The following DPH6 variants were observed in gnomAD, a reference collection of about 807,000 sequenced individuals.
The protein encoded by DPH6 is diphthamine biosynthesis 6.
DPH6 carries 33 observed loss-of-function variants against 38.2 expected under a neutral mutation model. The observed-to-expected ratio is 0.86, with a 90% CI of 0.65 to 1.15. The LOEUF (loss-of-function observed/expected upper bound fraction) is 1.15, where lower values mean the gene tolerates loss of function less well. Among genes scored for constraint, DPH6 ranks in the 50% most tolerant of loss-of-function variants. The pLI is 0.00. For missense variants in DPH6, 325 were observed against 320.0 expected, an observed-to-expected ratio of 1.02 and a Z score of -0.12; for synonymous variants, 108 against 103.0, an observed-to-expected ratio of 1.05 and a Z score of -0.30.
intron 3 of DPH6, among the ~76,000 whole-genome samples, chr15:35,245,909 C>G (rs1185756353): frequency 6.6e-6 from 1 of 152,070 alleles, no homozygotes; most frequent in Non-Finnish European, 1.5e-5. Flanking sequence ...GCCTCTGGGC[C>G]CAAGCCTGCA....
chr15:35,192,228 C>T, the DPH6 span, among the ~76,000 whole-genome samples: 1 of 152,144 alleles, frequency 6.6e-6, no homozygotes, highest in Non-Finnish European at 1.5e-5. Context: ...AATCCTAGGA[C>T]TCCTACTTGA....
At chr15:35,230,469 G>A (rs772612934) in intron 3 of DPH6, among the ~76,000 whole-genome samples, 2 of 152,152 alleles carry the variant, frequency 1.3e-5, no homozygotes, top group South Asian at 2.1e-4. Flanking sequence ...ATCCAAAAGC[G>A]AAGTCCTGGA....
intron 3 of DPH6, among the ~76,000 whole-genome samples, chr15:35,529,902 T>C (rs1462548120): frequency 6.7e-6 from 1 of 150,156 alleles, no homozygotes; most frequent in Non-Finnish European, 1.5e-5. Context: ...TAACCAAAAA[T>C]AAAAAATAAA....
At chr15:35,291,076 C>T (rs918708658) in intron 3 of DPH6, among the ~76,000 whole-genome samples, 1 of 151,996 alleles carries the variant, frequency 6.6e-6, no homozygotes, top group African/African-American at 2.4e-5. Context: ...TCACCCACTG[C>T]CATTTTTTGT....
At chr15:35,214,665 C>A (rs140329047), downstream of DPH6, among the ~76,000 whole-genome samples, 4 of 152,048 alleles carry the variant, frequency 2.6e-5, no homozygotes, top group Non-Finnish European at 4.4e-5. Flanking sequence ...TGGAGTGCAG[C>A]GGCACGATCT....
the DPH6 span, among the ~76,000 whole-genome samples, chr15:35,202,170 C>T: frequency 1.3e-5 from 2 of 151,862 alleles, no homozygotes; most frequent in Admixed American, 6.6e-5. Flanking sequence ...ATTCTTGCCT[C>T]ATTCCAGATA....
chr15:35,496,424 G>T (rs1011007913), intron 3 of DPH6, among the ~76,000 whole-genome samples: 1 of 150,372 alleles, frequency 6.7e-6, no homozygotes, highest in Non-Finnish European at 1.5e-5. Context: ...GCATGGTGGC[G>T]GGCACCTGCA....
intron 3 of DPH6, among the ~76,000 whole-genome samples, chr15:35,531,288 C>T (rs1391680500): frequency 3.3e-5 from 5 of 152,078 alleles, no homozygotes; most frequent in African/African-American, 9.7e-5. Context: ...AAGTAGTGTG[C>T]AGAAGGAAAC....
intron 6 of DPH6, among the ~76,000 whole-genome samples, chr15:35,382,594 T>G (rs1375928090): frequency 6.6e-6 from 1 of 152,116 alleles, no homozygotes; most frequent in African/African-American, 2.4e-5. Flanking sequence ...CTCTTTGCCT[T>G]TAAGTGGAAG....
chr15:35,361,068 A>C (rs2052610156), intron 3 of DPH6, among the ~76,000 whole-genome samples: 1 of 152,124 alleles, frequency 6.6e-6, no homozygotes, highest in African/African-American at 2.4e-5. Context: ...TGCCCTGACA[A>C]ATGGGATCAT....
At chr15:35,305,387 G>GACAC (rs2052082172) in intron 3 of DPH6, among the ~76,000 whole-genome samples, 1 of 110,752 alleles carries the variant, frequency 9.0e-6, no homozygotes. Context: ...TACTCACACT[G>GACAC]TGAAACAACA....
chr15:35,459,266 G>A (rs2054033684), intron 3 of DPH6, among the ~76,000 whole-genome samples: 4 of 152,124 alleles, frequency 2.6e-5, no homozygotes, highest in Admixed American at 6.5e-5. Flanking sequence ...GTAGATGATC[G>A]TCATCTTGCT....
chr15:35,265,248 A>G (rs1482427413), intron 3 of DPH6, among the ~76,000 whole-genome samples: 1 of 152,236 alleles, frequency 6.6e-6, no homozygotes, highest in African/African-American at 2.4e-5. Context: ...AGGAAAAAAA[A>G]GGACAGTATA....
intron 3 of DPH6, among the ~76,000 whole-genome samples, chr15:35,352,643 G>A (rs1335241440): frequency 1.3e-5 from 2 of 152,148 alleles, no homozygotes; most frequent in African/African-American, 4.8e-5. Context: ...GTATTCCATG[G>A]TGTATATGTG....
chr15:35,316,459 A>C (rs2052189557), intron 3 of DPH6, among the ~76,000 whole-genome samples: 1 of 152,236 alleles, frequency 6.6e-6, no homozygotes, highest in Non-Finnish European at 1.5e-5. Context: ...AAACTTAAAA[A>C]AATGTAATCA....
intron 3 of DPH6, among the ~76,000 whole-genome samples, chr15:35,271,521 T>C (rs552232599): frequency 3.3e-5 from 5 of 152,330 alleles, no homozygotes; most frequent in South Asian, 2.1e-4. Flanking sequence ...TAAGCACCAA[T>C]AGAGCATGAC....
intron 6 of DPH6, chr15:35,401,383 A>C: frequency 1.3e-6 from 1 of 752,246 alleles, no homozygotes; most frequent in South Asian, 1.4e-5. Flanking sequence ...GAATGGCTAT[A>C]ATGATTTTGG....
intron 5 of DPH6, among the ~76,000 whole-genome samples, chr15:35,412,276 TA>T (rs1330217230): frequency 6.6e-6 from 1 of 151,384 alleles, no homozygotes; most frequent in Non-Finnish European, 1.5e-5. Context: ...GAAATGCAAA[TA>T]AAACAAGAAG....
chr15:35,522,018 C>T (rs1256010131), intron 3 of DPH6: 3 of 1,531,858 alleles, frequency 2.0e-6, no homozygotes, highest in Non-Finnish European at 2.6e-6. Flanking sequence ...AAAACAGGGA[C>T]AGATCAGCAT....
Sources: gnomAD v4.1 joint callset for allele counts (sites outside exome capture counted in the v4.1 genomes callset) on GRCh38, gnomAD v4.1.1 for gene constraint, MANE v1.5 for transcripts, NCBI Gene and HGNC (gene_info 2026-07-23, HGNC 2026-07-21) for gene names.